COL25A1: variants seen among roughly 807,000 people sequenced by gnomAD.
COL25A1 encodes collagen type XXV alpha 1 chain.
In COL25A1, 103 loss-of-function variants were observed where a neutral mutation model predicts 128.4. That is an observed-to-expected ratio of 0.80 (90% CI 0.68 to 0.94). The LOEUF (loss-of-function observed/expected upper bound fraction) is 0.94. Among genes scored for constraint, COL25A1 ranks in the 40% least tolerant of loss-of-function variants. The probability of loss-of-function intolerance (pLI) is 0.00; values close to 1 mark genes in which losing one functional copy is unlikely to be tolerated. For synonymous variants in COL25A1, 279 were observed against 277.2 expected (o/e 1.01, Z -0.06); for missense variants, 745 against 840.0 (o/e 0.89, Z 1.40).
At chr4:108,970,533 T>A (rs1476977844) in intron 8 of COL25A1, among the ~76,000 whole-genome samples, 2 of 152,222 alleles carry the variant, frequency 1.3e-5, no homozygotes, top group Non-Finnish European at 2.9e-5. Flanking sequence ...TAATTAACAT[T>A]TGTATTACCT....
chr4:108,881,703 T>C (rs868447669), intron 19 of COL25A1, among the ~76,000 whole-genome samples: 1 of 152,192 alleles, frequency 6.6e-6, no homozygotes, highest in African/African-American at 2.4e-5. Flanking sequence ...TTTAAGCCTT[T>C]AGCTCTACAT....
chr4:108,859,687 T>G lies in COL25A1; in HGVS notation c.1289A>C (p.Asp430Ala). 1 of 1,613,818 alleles carries G rather than the reference T, an allele frequency of 6.2e-7. No homozygotes were observed. Among genetic ancestry groups the G allele is most frequent in the Non-Finnish European group, 8.5e-7 (1 of 1,179,892 alleles). ...KGDQGATEII[D>A]YNGNLHEALQ... ...GGCTTCGTGGAGGTTGCCGTTGTAG[T>G]CTATGATCTCAGTGGCTCCTTGATC... is the stretch of plus-strand genomic sequence containing the variant. The change falls in exon 24 of 38, where the codon GAC becomes GCC. Residue 430 changes from aspartate to alanine, a missense_variant. Coordinates refer to ENST00000399132, the MANE Select transcript of COL25A1 (RefSeq NM_198721.4).
intron 6 of COL25A1, among the ~76,000 whole-genome samples, chr4:109,008,345 G>A (rs954214162): frequency 6.6e-6 from 1 of 152,168 alleles, no homozygotes; most frequent in Non-Finnish European, 1.5e-5. Flanking sequence ...CAGCAGGATT[G>A]AGCCCCATTT....
intron 3 of COL25A1, among the ~76,000 whole-genome samples, chr4:109,281,502 C>A (rs1404479609): frequency 6.6e-6 from 1 of 151,764 alleles, no homozygotes; most frequent in East Asian, 1.9e-4. Flanking sequence ...ATTTTAGGCT[C>A]CTTTTTAATC....
chr4:108,889,958 A>AT (rs1741294586), intron 16 of COL25A1, among the ~76,000 whole-genome samples: 1 of 152,234 alleles, frequency 6.6e-6, no homozygotes, highest in Admixed American at 6.5e-5. Context: ...AATTTCCAAG[A>AT]TAAACAATGT....
chr4:108,962,914 G>C (rs1187374316), intron 8 of COL25A1, among the ~76,000 whole-genome samples: 1 of 152,096 alleles, frequency 6.6e-6, no homozygotes, highest in Non-Finnish European at 1.5e-5. Context: ...TTTGAAGTAG[G>C]GCCTTGCAAC....
At chr4:108,929,934 T>C (rs1746528423) in intron 11 of COL25A1, among the ~76,000 whole-genome samples, 1 of 152,148 alleles carries the variant, frequency 6.6e-6, no homozygotes, top group African/African-American at 2.4e-5. Context: ...ATGACATCAA[T>C]TGGGAGAAAA....
Position 109,076,953 on chromosome 4 carries a change from C to T in COL25A1, c.368-26774G>A, listed in dbSNP as rs1163148668. On this transcript the variant is annotated intron_variant, in intron 3 of 37. Coordinates refer to ENST00000399132, the MANE Select transcript of COL25A1 (RefSeq NM_198721.4). ...GGCTACAAATACAGATTAGGCTTCA[C>T]TGGCTTGCCTGCCTGCTGCTCACCT... Among the ~76,000 whole-genome samples the T allele has an allele frequency of 2.0e-5, 3 of 152,182 alleles. No homozygotes were observed. The East Asian group carries it at 5.8e-4, about 29-fold the overall frequency.
At chr4:109,227,267 A>C (rs896528214) in intron 3 of COL25A1, among the ~76,000 whole-genome samples, 1 of 152,006 alleles carries the variant, frequency 6.6e-6, no homozygotes, top group Non-Finnish European at 1.5e-5. Context: ...GCAAAAAAAA[A>C]TGCATAAAAC....
At chr4:109,102,801 A>C (rs1380937363) in intron 3 of COL25A1, among the ~76,000 whole-genome samples, 2 of 152,178 alleles carry the variant, frequency 1.3e-5, no homozygotes, top group African/African-American at 2.4e-5. Flanking sequence ...TTTTGATTTT[A>C]ATATAGCCAC....
chr4:109,149,712 T>C (rs2126099782), intron 3 of COL25A1, among the ~76,000 whole-genome samples: 1 of 152,346 alleles, frequency 6.6e-6, no homozygotes, highest in South Asian at 2.1e-4. Flanking sequence ...TGTATTTTAT[T>C]TGCAGCTTCT....
chr4:108,811,347 T>C lies in COL25A1; in HGVS notation c.*2580A>G, dbSNP rs532523729. The C allele has an allele frequency of 8.5e-5, 13 of 152,226 alleles. No homozygotes were observed. The South Asian group carries it at 2.3e-3, about 27-fold the overall frequency. The allele number at this position is 152,226 out of a possible 1,614,324, so 9.4% of individuals were successfully genotyped here. On this transcript the variant is annotated 3_prime_UTR_variant, in exon 38 of 38. Coordinates refer to ENST00000399132, the MANE Select transcript of COL25A1 (RefSeq NM_198721.4). ...CTCATTTAATCATGAAATAAGTTGA[T>C]GTTGTCAAATCAGTTATAGAGCAAA...
At chr4:109,107,357 T>C (rs1382176674) in intron 3 of COL25A1, among the ~76,000 whole-genome samples, 1 of 152,196 alleles carries the variant, frequency 6.6e-6, no homozygotes, top group East Asian at 1.9e-4. Context: ...ACAGATTTTA[T>C]TTTTCCTATT....
chr4:108,984,157 CAG>C (rs1753380820), intron 6 of COL25A1, among the ~76,000 whole-genome samples: 2 of 152,200 alleles, frequency 1.3e-5, no homozygotes, highest in African/African-American at 2.4e-5. Flanking sequence ...TAGCTAGATA[CAG>C]AGTGTTGATT....
At chr4:108,964,942 A>C (rs1160435410) in intron 8 of COL25A1, among the ~76,000 whole-genome samples, 1 of 152,156 alleles carries the variant, frequency 6.6e-6, no homozygotes, top group Non-Finnish European at 1.5e-5. Flanking sequence ...CCCTTTTCTC[A>C]GGCAATACAT....
At chr4:109,024,033 A>G (rs1758005621) in intron 5 of COL25A1, among the ~76,000 whole-genome samples, 1 of 152,176 alleles carries the variant, frequency 6.6e-6, no homozygotes, top group Non-Finnish European at 1.5e-5. Context: ...CCATACAACT[A>G]TCCTGTTTTT....
chr4:109,088,672 C>T, intron 3 of COL25A1, among the ~76,000 whole-genome samples: 1 of 152,092 alleles, frequency 6.6e-6, no homozygotes, highest in East Asian at 1.9e-4. Context: ...ACGTTCCAGG[C>T]ACTGAATTTA....
At chr4:108,829,232 C>T (rs918514705) in intron 32 of COL25A1, among the ~76,000 whole-genome samples, 3 of 152,028 alleles carry the variant, frequency 2.0e-5, no homozygotes, top group Non-Finnish European at 4.4e-5. Flanking sequence ...GAGCAAAGGA[C>T]GGGCGCAGTG....
intron 3 of COL25A1, among the ~76,000 whole-genome samples, chr4:109,077,871 C>T (rs1279836836): frequency 6.6e-6 from 1 of 152,188 alleles, no homozygotes; most frequent in Non-Finnish European, 1.5e-5. Context: ...TCCCTACTCG[C>T]TGCTTTTTGG....
Sources: gnomAD v4.1 joint callset for allele counts (sites outside exome capture counted in the v4.1 genomes callset) on GRCh38, gnomAD v4.1.1 for gene constraint, MANE v1.5 for transcripts, NCBI Gene and HGNC (gene_info 2026-07-23, HGNC 2026-07-21) for gene names.